The following ATG14 variants were observed in gnomAD, a reference collection of about 807,000 sequenced individuals.
ATG14 encodes beclin 1-associated autophagy-related key regulator.
A neutral mutation model predicts 60.4 loss-of-function variants in ATG14; 35 were observed. That is an observed-to-expected ratio of 0.58 (90% CI 0.44 to 0.77). The LOEUF is 0.77. Ranked by LOEUF, ATG14 falls within the 30% of genes least tolerant of loss-of-function variation. The pLI is 0.00. For synonymous variants in ATG14, 234 were observed against 228.8 expected, an observed-to-expected ratio of 1.02 and a Z score of -0.21; for missense variants, 647 against 626.3, an observed-to-expected ratio of 1.03 and a Z score of -0.35.
chr14:55,410,581 A>G (rs1436074553), intron 1 of ATG14, among the ~76,000 whole-genome samples: 1 of 152,238 alleles, frequency 6.6e-6, no homozygotes, highest in Non-Finnish European at 1.5e-5. Flanking sequence ...TCACAGAAAT[A>G]CTAAGAACTC....
At chr14:55,402,944 T>TATATATATATATAC (rs1885430336) in intron 1 of ATG14, among the ~76,000 whole-genome samples, 1 of 53,766 alleles carries the variant, frequency 1.9e-5, no homozygotes, top group Admixed American at 2.2e-4. Context: ...TATATATATA[T>TATATATATATATAC]ATATATATAT....
At chr14:55,376,439 CA>C (rs1884920485) in intron 9 of ATG14, among the ~76,000 whole-genome samples, 1 of 152,084 alleles carries the variant, frequency 6.6e-6, no homozygotes, top group Non-Finnish European at 1.5e-5. Flanking sequence ...TGAATGGGAT[CA>C]GGGGTGAGAG....
Position 55,382,210 on chromosome 14 carries a change from A to G in ATG14, c.648-19T>C, listed in dbSNP as rs920695518. On this transcript the variant is annotated intron_variant, in intron 5 of 9. Transcript: ENST00000247178. ...GGGGTCTCTACAAGTAGGAAGACACACACGGATTTTCAAGAGAGAGGGTTT... is the reference window on the plus strand; with the variant it reads ...GGGGTCTCTACAAGTAGGAAGACACGCACGGATTTTCAAGAGAGAGGGTTT... 1.2e-6 allele frequency: 2 copies of G among 1,611,534 alleles called. No homozygotes were observed. The highest frequency in any genetic ancestry group is 2.7e-5 in the African/African-American group (2 of 74,900).
In ATG14 at chr14:55,367,970, G is replaced by A. The variant is rs1404420628; in HGVS notation, c.*1649C>T. 2.0e-5 allele frequency: 3 copies of A among 152,446 alleles called. No homozygotes were observed. The highest frequency in any genetic ancestry group is 2.1e-4 in the South Asian group (1 of 4,818). The allele number at this position is 152,446 out of a possible 1,614,324, so 9.4% of individuals were successfully genotyped here. A position where few individuals can be genotyped will look rare whatever the true frequency, so the allele number is the denominator to read the frequency against. On this transcript the variant is annotated 3_prime_UTR_variant, in exon 10 of 10. Coordinates refer to ENST00000247178, the MANE Select transcript of ATG14 (RefSeq NM_014924.5). ...TTATTATGATGAGAAAAGAAGCTGG[G>A]GCATGGCAAACCTCTGAATGATTTA... is the stretch of plus-strand genomic sequence containing the variant.
chr14:55,396,898 C>T (rs527766128), intron 2 of ATG14, among the ~76,000 whole-genome samples: 10 of 152,264 alleles, frequency 6.6e-5, no homozygotes, highest in South Asian at 2.1e-4. Flanking sequence ...CCCAGAGCTA[C>T]TGAATCAGAA....
chr14:55,396,054 C>G, intron 2 of ATG14, 72 bp from the exon 3 acceptor site: 1 of 1,178,046 alleles, frequency 8.5e-7, no homozygotes, highest in Non-Finnish European at 1.2e-6. Flanking sequence ...AATGTAAAAT[C>G]AAACACTTAA....
Position 55,369,840 on chromosome 14 carries a change from C to CGG in ATG14, c.1257_1258insCC (p.Gly420ProfsTer55). 6.2e-7 allele frequency: 1 copy of CGG among 1,614,150 alleles called. No individual in the cohort carries two copies. Among genetic ancestry groups the CGG allele is most frequent in the Non-Finnish European group, 8.5e-7 (1 of 1,180,034 alleles). Reference sequence around the variant, plus strand: ...TCTTCATCGCTGACGCGCTCATCTCCGCTCTCATCTGATTCTCCAGCAACT... The same window carrying CGG: ...TCTTCATCGCTGACGCGCTCATCTCCGGGCTCTCATCTGATTCTCCAGCAACT... On this transcript the variant is annotated frameshift_variant, in exon 10 of 10. Transcript: ENST00000247178. LOFTEE classifies it high-confidence loss of function.
At chr14:55,378,954 T>G (rs568004186) in intron 7 of ATG14, among the ~76,000 whole-genome samples, 53 of 152,176 alleles carry the variant, frequency 3.5e-4, no homozygotes, top group Admixed American at 1.6e-3. Flanking sequence ...GTGATCCTCC[T>G]GCCTCAGCTT....
At chr14:55,401,943 G>C (rs1885406480) in intron 1 of ATG14, among the ~76,000 whole-genome samples, 1 of 152,236 alleles carries the variant, frequency 6.6e-6, no homozygotes, top group Non-Finnish European at 1.5e-5. Flanking sequence ...GGAAAACAAT[G>C]ACGGGAGTAT....
intron 3 of ATG14, among the ~76,000 whole-genome samples, chr14:55,392,962 G>T (rs905369100): frequency 6.6e-6 from 1 of 152,116 alleles, no homozygotes; most frequent in African/African-American, 2.4e-5. Context: ...AATGAATATT[G>T]AAGTCTTAGA....
intron 2 of ATG14, 112 bp from the exon 3 acceptor site, chr14:55,396,094 T>A: frequency 2.8e-6 from 2 of 720,482 alleles, no homozygotes; most frequent in Non-Finnish European, 4.3e-6. Context: ...GCTAGAAATA[T>A]CAAAACGGGA....
intron 9 of ATG14, among the ~76,000 whole-genome samples, chr14:55,372,339 G>T (rs906300672): frequency 6.6e-6 from 1 of 152,008 alleles, no homozygotes; most frequent in Non-Finnish European, 1.5e-5. Flanking sequence ...TCTCCTCCTG[G>T]CACGCACCCA....
intron 9 of ATG14, among the ~76,000 whole-genome samples, chr14:55,371,486 G>C (rs1482263576): frequency 6.6e-6 from 1 of 152,276 alleles, no homozygotes; most frequent in African/African-American, 2.4e-5. Flanking sequence ...TTCCCACTTG[G>C]TCTCCAGTGA....
rs1180965584 is a variant in ATG14 at position 55,369,573 on chromosome 14, G to C, written c.*46C>G. On this transcript the variant is annotated 3_prime_UTR_variant, in exon 10 of 10. Transcript: ENST00000247178. The stretch of plus-strand genomic sequence containing the variant: ...AAATGTTTACTAGAGTGTAGTGGGA[G>C]AAGAACTTTCTTGATGCAGATTTGG... 6.9e-7 allele frequency: 1 copy of C among 1,438,880 alleles called. No homozygotes were observed. Among genetic ancestry groups the C allele is most frequent in the Non-Finnish European group, 9.3e-7 (1 of 1,080,302 alleles). The allele number at this position is 1,438,880 out of a possible 1,614,324, so 89.1% of individuals were successfully genotyped here. A position where few individuals can be genotyped will look rare whatever the true frequency, so the allele number is the denominator to read the frequency against.
At chr14:55,371,085 C>T (rs550243732) in intron 9 of ATG14, among the ~76,000 whole-genome samples, 30 of 152,296 alleles carry the variant, frequency 2.0e-4, no homozygotes, top group Non-Finnish European at 3.8e-4. Context: ...CAGGGTGGGA[C>T]CAAGGTGCCG....
chr14:55,398,060 G>A lies in ATG14; in HGVS notation c.222-626C>T, dbSNP rs578142641. Among the ~76,000 whole-genome samples the A allele has an allele frequency of 3.4e-5, 5 of 144,950 alleles. No homozygotes were observed. The East Asian group carries it at 6.4e-4, about 18-fold the overall frequency. On this transcript the variant is annotated intron_variant, in intron 1 of 9. Transcript: ENST00000247178. The stretch of plus-strand genomic sequence containing the variant: ...CCTCCTGGGCTCACGCCATTCTCCC[G>A]CCTCAGCCTCCCAAGCAGCTGGGAC...
At chr14:55,370,795 C>T (rs1429581676) in intron 9 of ATG14, among the ~76,000 whole-genome samples, 5 of 152,184 alleles carry the variant, frequency 3.3e-5, no homozygotes, top group Non-Finnish European at 7.3e-5. Flanking sequence ...CACCTGCCAC[C>T]ATGCCCGGCT....
chr14:55,403,967 G>T (rs1292084121), intron 1 of ATG14, among the ~76,000 whole-genome samples: 1 of 152,136 alleles, frequency 6.6e-6, no homozygotes, highest in Non-Finnish European at 1.5e-5. Context: ...CTTGTTTGAA[G>T]AAAATATCCA....
chr14:55,402,927 ATATATATATATATATATATATATATATAT>A (rs1289189899), intron 1 of ATG14, among the ~76,000 whole-genome samples: 1 of 8,920 alleles, frequency 1.1e-4, no homozygotes, highest in Non-Finnish European at 1.9e-4. Context: ...AAAAAAAAAA[ATATATATATATATATATATATATATATAT>A]ATATATATAT....
Sources: gnomAD v4.1 joint callset for allele counts (sites outside exome capture counted in the v4.1 genomes callset) on GRCh38, gnomAD v4.1.1 for gene constraint, MANE v1.5 for transcripts, NCBI Gene and HGNC (gene_info 2026-07-23, HGNC 2026-07-21) for gene names.